The following KLHL32 variants were observed in gnomAD, a reference collection of about 807,000 sequenced individuals.
KLHL32 encodes the protein kelch-like protein 32.
KLHL32 carries 35 observed loss-of-function variants against 64.8 expected under a neutral mutation model. That is an observed-to-expected ratio of 0.54 (90% CI 0.41 to 0.72). KLHL32 has a LOEUF of 0.72. KLHL32 is among the 30% of genes least tolerant of loss of function. The pLI, the probability that KLHL32 is intolerant of heterozygous loss-of-function variation, is 0.00. For synonymous variants in KLHL32, 259 were observed against 281.0 expected (o/e 0.92, Z 0.78); for missense variants, 589 against 768.5 (o/e 0.77, Z 2.76).
chr6:96,964,183 T>G (rs1268401917), intron 1 of KLHL32, among the ~76,000 whole-genome samples: 1 of 152,114 alleles, frequency 6.6e-6, no homozygotes. Context: ...GGAGGGGAAC[T>G]GCAGGAGACT....
upstream of KLHL32, among the ~76,000 whole-genome samples, chr6:96,922,761 A>G (rs958394909): frequency 2.6e-5 from 4 of 152,244 alleles, no homozygotes; most frequent in African/African-American, 9.6e-5. Context: ...CCTAACACCT[A>G]GTTGCTCCTC....
At chr6:97,043,852 T>C (rs977187673) in intron 4 of KLHL32, among the ~76,000 whole-genome samples, 7 of 152,204 alleles carry the variant, frequency 4.6e-5, no homozygotes, top group Non-Finnish European at 8.8e-5. Flanking sequence ...TGTCTTCTTT[T>C]GAGAAGTGTC....
chr6:96,939,988 A>T (rs895920770), intron 1 of KLHL32, among the ~76,000 whole-genome samples: 1 of 152,050 alleles, frequency 6.6e-6, no homozygotes, highest in Admixed American at 6.5e-5. Flanking sequence ...TGCTGGATTG[A>T]ATATTGAGGG....
chr6:97,024,080 AT>A (rs1782383025), intron 3 of KLHL32, among the ~76,000 whole-genome samples: 1 of 152,246 alleles, frequency 6.6e-6, no homozygotes, highest in Admixed American at 6.5e-5. Flanking sequence ...GTGTCTGATG[AT>A]TAATCATTTA....
intron 1 of KLHL32, among the ~76,000 whole-genome samples, chr6:96,928,569 C>A (rs1016438770): frequency 8.5e-5 from 13 of 152,114 alleles, no homozygotes; most frequent in Non-Finnish European, 1.5e-4. Context: ...AGTCAAGGGA[C>A]AAACCAAGTA....
intron 3 of KLHL32, among the ~76,000 whole-genome samples, chr6:97,011,872 A>G (rs1324289791): frequency 1.3e-5 from 2 of 152,220 alleles, no homozygotes; most frequent in Non-Finnish European, 2.9e-5. Context: ...TTTATTAAAA[A>G]TCTTTCTTTA....
intron 1 of KLHL32, among the ~76,000 whole-genome samples, chr6:96,946,078 G>C (rs566177791): frequency 6.6e-6 from 1 of 152,004 alleles, no homozygotes; most frequent in South Asian, 2.1e-4. Context: ...GATAAGATGA[G>C]ATTCATCTTG....
chr6:97,009,014 G>T (rs1328103083), intron 3 of KLHL32, among the ~76,000 whole-genome samples: 1 of 151,918 alleles, frequency 6.6e-6, no homozygotes. Flanking sequence ...ATACTTTCTG[G>T]CTGTGTATAT....
intron 1 of KLHL32, among the ~76,000 whole-genome samples, chr6:96,962,985 G>A (rs1774036789): frequency 1.3e-5 from 2 of 152,194 alleles, no homozygotes; most frequent in Non-Finnish European, 2.9e-5. Flanking sequence ...AGTTACTACA[G>A]TAGCTGAACT....
intron 3 of KLHL32, among the ~76,000 whole-genome samples, chr6:96,991,950 T>A (rs1233521326): frequency 6.6e-6 from 1 of 151,994 alleles, no homozygotes; most frequent in Non-Finnish European, 1.5e-5. Flanking sequence ...ATCACTGTGC[T>A]CCCTCCCCAG....
intron 3 of KLHL32, among the ~76,000 whole-genome samples, chr6:97,002,279 C>G (rs1779128671): frequency 6.6e-6 from 1 of 152,182 alleles, no homozygotes; most frequent in Admixed American, 6.6e-5. Context: ...GAAGCCCACT[C>G]ACATTAGAGA....
At chr6:96,923,420 G>C (rs563248699), upstream of KLHL32, among the ~76,000 whole-genome samples, 1 of 152,304 alleles carries the variant, frequency 6.6e-6, no homozygotes, top group African/African-American at 2.4e-5. Context: ...AATGTTTGTA[G>C]TCAGTTGTTT....
chr6:97,012,206 C>T (rs1780499749), intron 3 of KLHL32, among the ~76,000 whole-genome samples: 1 of 152,142 alleles, frequency 6.6e-6, no homozygotes, highest in Non-Finnish European at 1.5e-5. Flanking sequence ...ATGTCCATGC[C>T]CTAATTTCTG....
chr6:97,051,934 A>G (rs900692029), intron 4 of KLHL32, among the ~76,000 whole-genome samples: 1 of 152,206 alleles, frequency 6.6e-6, no homozygotes, highest in Non-Finnish European at 1.5e-5. Flanking sequence ...AATTTTACAC[A>G]TAAAGGATCC....
In KLHL32 at chr6:96,988,549, T is replaced by C. The variant is rs1777414941; in HGVS notation, c.204+12372T>C. 3.3e-5 allele frequency among the ~76,000 whole-genome samples: 5 copies of C among 152,278 alleles called. No homozygotes were observed. The South Asian group carries it at 1.0e-3, about 32-fold the overall frequency. On this transcript the variant is annotated intron_variant, in intron 3 of 10. Transcript: ENST00000369261. Reference sequence around the variant, plus strand: ...ACCATTGTGGAAGTCAGTGTGGCGATTCCTCAGGGATCTAGAACTAGAAAT... The same window carrying C: ...ACCATTGTGGAAGTCAGTGTGGCGACTCCTCAGGGATCTAGAACTAGAAAT...
intron 1 of KLHL32, among the ~76,000 whole-genome samples, chr6:96,950,458 G>T (rs1326934674): frequency 1.3e-5 from 2 of 151,312 alleles, no homozygotes. Context: ...TTTTAAAAAG[G>T]AAAATTATGC....
intron 4 of KLHL32, among the ~76,000 whole-genome samples, chr6:97,059,605 C>T (rs536853635): frequency 6.6e-6 from 1 of 152,274 alleles, no homozygotes; most frequent in African/African-American, 2.4e-5. Flanking sequence ...ATGTGCAGTG[C>T]ATGAGTCAAT....
chr6:97,024,776 G>T (rs888376536), intron 3 of KLHL32, among the ~76,000 whole-genome samples: 1 of 152,014 alleles, frequency 6.6e-6, no homozygotes, highest in Non-Finnish European at 1.5e-5. Flanking sequence ...GTATTATGAA[G>T]CTAGAAAAAT....
At chr6:97,026,002 A>G (rs1319969367) in intron 3 of KLHL32, among the ~76,000 whole-genome samples, 5 of 152,156 alleles carry the variant, frequency 3.3e-5, no homozygotes, top group Non-Finnish European at 5.9e-5. Flanking sequence ...TCTTTTAATG[A>G]TGGAGCAAAG....
Sources: allele counts gnomAD v4.1 joint callset (sites outside exome capture counted in the v4.1 genomes callset), GRCh38; gene constraint gnomAD v4.1.1; transcripts MANE v1.5; gene names NCBI Gene and HGNC (gene_info 2026-07-23, HGNC 2026-07-21).